GRIK2: variants seen among roughly 807,000 people sequenced by gnomAD.
GRIK2 encodes glutamate ionotropic receptor kainate type subunit 2.
GRIK2 carries 32 observed loss-of-function variants against 100.3 expected under a neutral mutation model. The ratio of observed to expected loss-of-function variants is 0.32; its 90% CI spans 0.24 to 0.43. The LOEUF (loss-of-function observed/expected upper bound fraction) is 0.43. Ranked by LOEUF, GRIK2 falls within the 20% of genes least tolerant of loss-of-function variation. The pLI, the probability that GRIK2 is intolerant of heterozygous loss-of-function variation, is 1.00. For synonymous variants in GRIK2, 417 were observed against 389.4 expected (o/e 1.07, Z -0.83); for missense variants, 843 against 1,114.9 (o/e 0.76, Z 3.47).
At chr6:101,640,103 T>C (rs1463359851) in intron 4 of GRIK2, among the ~76,000 whole-genome samples, 1 of 152,198 alleles carries the variant, frequency 6.6e-6, no homozygotes, top group Non-Finnish European at 1.5e-5. Context: ...CTTACAGTTA[T>C]AACTCAAAGC....
chr6:101,769,487 C>G (rs935510286), intron 7 of GRIK2, among the ~76,000 whole-genome samples: 3 of 152,038 alleles, frequency 2.0e-5, no homozygotes, highest in Non-Finnish European at 4.4e-5. Flanking sequence ...AGTTAAGAGC[C>G]CTTTGCTGAG....
intron 14 of GRIK2, among the ~76,000 whole-genome samples, chr6:102,021,725 T>TACATACA (rs1582738305): frequency 1.3e-5 from 2 of 151,566 alleles, no homozygotes; most frequent in East Asian, 3.9e-4. Context: ...CATCCATATC[T>TACATACA]AATTCTCATA....
At chr6:101,409,102 TTGTGTATGTGTGTG>T (rs1242915756) in intron 2 of GRIK2, among the ~76,000 whole-genome samples, 19 of 133,658 alleles carry the variant, frequency 1.4e-4, no homozygotes, top group African/African-American at 5.5e-4. Context: ...ACCTGAAACA[TTGTGTATGTGTGTG>T]TGTGTGTGTG....
chr6:101,907,570 A>G (rs1788316654), intron 12 of GRIK2, among the ~76,000 whole-genome samples: 1 of 151,698 alleles, frequency 6.6e-6, no homozygotes, highest in Non-Finnish European at 1.5e-5. Context: ...CAGTGACAGA[A>G]CTTTACTTTC....
intron 7 of GRIK2, among the ~76,000 whole-genome samples, chr6:101,734,265 C>T (rs1775483790): frequency 6.6e-6 from 1 of 152,090 alleles, no homozygotes; most frequent in South Asian, 2.1e-4. Context: ...GCTGGAGACC[C>T]AGAAGAGTTA....
chr6:101,625,757 A>G (rs1167988865), intron 3 of GRIK2, among the ~76,000 whole-genome samples: 1 of 152,208 alleles, frequency 6.6e-6, no homozygotes, highest in Non-Finnish European at 1.5e-5. Context: ...AAACACTTAT[A>G]GCATCCAAAA....
chr6:101,860,370 A>AAT (rs1459916185), intron 11 of GRIK2, among the ~76,000 whole-genome samples: 1 of 152,154 alleles, frequency 6.6e-6, no homozygotes, highest in Non-Finnish European at 1.5e-5. Context: ...AAGATGGCTG[A>AAT]ATATATATAT....
chr6:101,915,603 G>T (rs2791781), intron 12 of GRIK2, among the ~76,000 whole-genome samples: 141,809 of 151,324 alleles, frequency 0.94, 66,487 homozygotes, highest in Middle Eastern at 0.97. Flanking sequence ...CTGCACAGAC[G>T]AAACTTCAGG....
At chr6:101,546,507 T>G (rs1776241156) in intron 2 of GRIK2, among the ~76,000 whole-genome samples, 1 of 152,180 alleles carries the variant, frequency 6.6e-6, no homozygotes, top group Non-Finnish European at 1.5e-5. Context: ...AGAGACAAAC[T>G]GAAGGTATTA....
At chr6:101,992,590 A>G (rs1039843735) in intron 14 of GRIK2, among the ~76,000 whole-genome samples, 1 of 151,654 alleles carries the variant, frequency 6.6e-6, no homozygotes, top group Non-Finnish European at 1.5e-5. Context: ...GTAAAGACGA[A>G]AAAAGAACTA....
chr6:102,035,717 A>G (rs2114428353), intron 15 of GRIK2, 151 bp downstream of exon 15: 1 of 560,336 alleles, frequency 1.8e-6, no homozygotes, highest in South Asian at 2.6e-5. Context: ...GCAGGTTATC[A>G]TTTTGGACAT....
intron 14 of GRIK2, among the ~76,000 whole-genome samples, chr6:101,948,921 A>G (rs1407463048): frequency 1.3e-5 from 2 of 152,226 alleles, no homozygotes; most frequent in African/African-American, 4.8e-5. Context: ...GAATTTTGAC[A>G]TGGCAGTTAC....
chr6:101,839,843 T>G (rs1390669885), intron 10 of GRIK2, among the ~76,000 whole-genome samples: 1 of 152,100 alleles, frequency 6.6e-6, no homozygotes, highest in Non-Finnish European at 1.5e-5. Context: ...GGGATTGAGG[T>G]AAAAAAGCAG....
At chr6:101,676,156 C>T (rs9322602) in intron 4 of GRIK2, among the ~76,000 whole-genome samples, 111,386 of 152,084 alleles carry the variant, frequency 0.73, 41,171 homozygotes, top group African/African-American at 0.77. Flanking sequence ...CACGTGTAAA[C>T]GCACAGAACG....
intron 10 of GRIK2, among the ~76,000 whole-genome samples, chr6:101,855,701 A>G (rs1286621754): frequency 6.6e-6 from 1 of 152,230 alleles, no homozygotes; most frequent in Admixed American, 6.5e-5. Flanking sequence ...GAAGACCAGC[A>G]TAAACAGTTT....
At chr6:101,807,710 G>A (rs768455508) in intron 9 of GRIK2, among the ~76,000 whole-genome samples, 4 of 151,850 alleles carry the variant, frequency 2.6e-5, no homozygotes, top group African/African-American at 4.8e-5. Flanking sequence ...TTCTGATTTG[G>A]AGGGTGGCAA....
At chr6:101,611,563 A>G (rs769749240) in intron 2 of GRIK2, among the ~76,000 whole-genome samples, 10 of 151,890 alleles carry the variant, frequency 6.6e-5, no homozygotes, top group East Asian at 3.9e-4. Flanking sequence ...CTTAGCAACA[A>G]TGAAGAAGGT....
intron 14 of GRIK2, among the ~76,000 whole-genome samples, chr6:101,990,136 G>C (rs1794277535): frequency 6.6e-6 from 1 of 151,570 alleles, no homozygotes; most frequent in South Asian, 2.1e-4. Flanking sequence ...CTTATTGGGA[G>C]GAAAGATTTA....
At chr6:101,777,943 G>A (rs1280796739) in intron 7 of GRIK2, among the ~76,000 whole-genome samples, 2 of 152,228 alleles carry the variant, frequency 1.3e-5, no homozygotes, top group East Asian at 1.9e-4. Context: ...ACCTCTGGGG[G>A]GTAATACATT....
Sources: gnomAD v4.1 joint callset for allele counts (sites outside exome capture counted in the v4.1 genomes callset) on GRCh38, gnomAD v4.1.1 for gene constraint, MANE v1.5 for transcripts, NCBI Gene and HGNC (gene_info 2026-07-23, HGNC 2026-07-21) for gene names.